The following WNK2 variants were observed in gnomAD, a reference collection of about 807,000 sequenced individuals.
The protein encoded by WNK2 is WNK lysine deficient protein kinase 2.
In WNK2, 67 loss-of-function variants were observed where a neutral mutation model predicts 192.1. The observed-to-expected ratio is 0.35, with a 90% confidence interval of 0.29 to 0.43. The LOEUF (loss-of-function observed/expected upper bound fraction) is 0.43. Among genes scored for constraint, WNK2 ranks in the 20% least tolerant of loss-of-function variants. The probability of loss-of-function intolerance (pLI) is 1.00; values close to 1 mark genes in which losing one functional copy is unlikely to be tolerated. For missense variants in WNK2, 2,698 were observed against 3,089.7 expected, an observed-to-expected ratio of 0.87 and a Z score of 3.01; for synonymous variants, 1,439 against 1,393.9, an observed-to-expected ratio of 1.03 and a Z score of -0.72.
chr9:93,184,341 GC>G lies in WNK2; in HGVS notation c.-44del, dbSNP rs1254101357. On this transcript the variant is annotated 5_prime_UTR_variant, in exon 1 of 30. Coordinates refer to ENST00000427277, the MANE Select transcript of WNK2 (RefSeq NM_006648.4). ...AAGCGTGATCTCTCCCGCCTCGCAC[GC>G]CCTGGCCGCCGGGCCGCGGGCATGG... is the stretch of plus-strand genomic sequence containing the variant. Among the ~76,000 whole-genome samples the G allele has an allele frequency of 6.6e-6, 1 of 151,256 alleles. No homozygotes were observed. The highest frequency in any genetic ancestry group is 1.5e-5 in the Non-Finnish European group (1 of 67,726).
At chr9:93,190,940 A>G (rs1200374526) in intron 2 of WNK2, among the ~76,000 whole-genome samples, 3 of 152,126 alleles carry the variant, frequency 2.0e-5, no homozygotes, top group African/African-American at 7.2e-5. Flanking sequence ...CAGTCTATAG[A>G]CCATCTTACA....
intron 19 of WNK2, among the ~76,000 whole-genome samples, chr9:93,272,382 C>T (rs1350870488): frequency 1.3e-5 from 2 of 152,102 alleles, no homozygotes; most frequent in Non-Finnish European, 2.9e-5. Context: ...CCTAGAGCAA[C>T]CACTGAAAGA....
chr9:93,188,745 C>T (rs1829798650), intron 2 of WNK2, among the ~76,000 whole-genome samples: 1 of 152,164 alleles, frequency 6.6e-6, no homozygotes, highest in South Asian at 2.1e-4. Flanking sequence ...GAGCGTCTGC[C>T]ACCTGCCATA....
intron 26 of WNK2, among the ~76,000 whole-genome samples, chr9:93,301,890 A>G (rs1022733275): frequency 6.6e-6 from 1 of 152,170 alleles, no homozygotes; most frequent in Admixed American, 6.5e-5. Flanking sequence ...TTTTTGGGCC[A>G]TAATGTCTCC....
intron 25 of WNK2, among the ~76,000 whole-genome samples, chr9:93,299,583 G>T (rs1158548746): frequency 6.6e-6 from 1 of 152,166 alleles, no homozygotes; most frequent in Non-Finnish European, 1.5e-5. Context: ...CAGTTCCCAG[G>T]CACTGGCTGC....
In WNK2 at chr9:93,253,028, C is replaced by A. The variant is rs1032830176; in HGVS notation, c.1980C>A (p.Pro660=). 1 of 1,543,302 alleles carries A rather than the reference C, an allele frequency of 6.5e-7. No individual in the cohort carries two copies. Among genetic ancestry groups the A allele is most frequent in the Non-Finnish European group, 8.7e-7 (1 of 1,146,352 alleles). ...CVCSPPVSEG[P]VLPQSLPSLG... The stretch of plus-strand genomic sequence containing the variant: ...GCAGCCCCCCTGTGAGCGAGGGGCC[C>A]GTCCTGCCGCAGAGCCTGCCCTCGC... Residue 660 remains proline, a synonymous_variant, in exon 9 of 30, where the codon CCC becomes CCA. Coordinates refer to ENST00000427277, the MANE Select transcript of WNK2 (RefSeq NM_006648.4).
intron 2 of WNK2, among the ~76,000 whole-genome samples, chr9:93,215,230 T>C (rs1427358162): frequency 1.3e-5 from 2 of 152,114 alleles, no homozygotes; most frequent in African/African-American, 4.8e-5. Flanking sequence ...CAAGCAATTC[T>C]CCCTGACTGT....
At chr9:93,255,329 C>T (rs145569327) in intron 9 of WNK2, among the ~76,000 whole-genome samples, 16 of 152,254 alleles carry the variant, frequency 1.1e-4, no homozygotes, top group African/African-American at 3.4e-4. Context: ...GTCTGGAGCA[C>T]GAGGCCACTT....
intron 14 of WNK2, among the ~76,000 whole-genome samples, chr9:93,262,930 C>T (rs1844536954): frequency 6.6e-6 from 1 of 152,212 alleles, no homozygotes; most frequent in Admixed American, 6.5e-5. Context: ...GCCAGAGGCC[C>T]CTGGCTGGGC....
intron 28 of WNK2, 37 bp from the exon 29 acceptor site, chr9:93,317,483 A>G: frequency 6.2e-7 from 1 of 1,606,666 alleles, no homozygotes; most frequent in South Asian, 1.1e-5. Context: ...GATTGCAGCC[A>G]CGTGTACCTT....
At chr9:93,208,270 C>A (rs1031991110) in intron 2 of WNK2, among the ~76,000 whole-genome samples, 1 of 152,184 alleles carries the variant, frequency 6.6e-6, no homozygotes, top group African/African-American at 2.4e-5. Context: ...ATGTTATCTG[C>A]CGCCCTCTCA....
At chr9:93,186,699 C>T (rs367746342) in intron 2 of WNK2, among the ~76,000 whole-genome samples, 24 of 152,326 alleles carry the variant, frequency 1.6e-4, no homozygotes, top group Admixed American at 2.0e-4. Flanking sequence ...CCTCCGGCCC[C>T]GACAGGGTGG....
At chr9:93,206,956 T>G (rs912249123) in intron 2 of WNK2, among the ~76,000 whole-genome samples, 4 of 152,176 alleles carry the variant, frequency 2.6e-5, no homozygotes, top group African/African-American at 9.7e-5. Context: ...GAGGACTCCC[T>G]GGCCCTGTCT....
At chr9:93,249,588 C>T (rs1028228486) in intron 8 of WNK2, among the ~76,000 whole-genome samples, 1 of 152,056 alleles carries the variant, frequency 6.6e-6, no homozygotes, top group African/African-American at 2.4e-5. Flanking sequence ...ATTCTCCTGC[C>T]TCAGCCCCTT....
intron 7 of WNK2, among the ~76,000 whole-genome samples, chr9:93,246,101 A>G (rs1841634343): frequency 6.6e-6 from 1 of 152,106 alleles, no homozygotes; most frequent in Admixed American, 6.5e-5. Flanking sequence ...CCACCCCCAT[A>G]TGCAAAATGC....
At chr9:93,236,925 G>A (rs553558155) in intron 5 of WNK2, among the ~76,000 whole-genome samples, 6 of 152,364 alleles carry the variant, frequency 3.9e-5, no homozygotes, top group Non-Finnish European at 7.3e-5. Context: ...TGGGAGGCTC[G>A]GTGAAGCTCT....
intron 19 of WNK2, among the ~76,000 whole-genome samples, chr9:93,280,331 C>T (rs192851807): frequency 2.6e-5 from 4 of 152,230 alleles, no homozygotes; most frequent in Non-Finnish European, 4.4e-5. Context: ...GAGACACCAC[C>T]GTACACTATT....
intron 5 of WNK2, among the ~76,000 whole-genome samples, chr9:93,235,585 G>T (rs906485022): frequency 1.3e-5 from 2 of 152,222 alleles, no homozygotes; most frequent in Non-Finnish European, 2.9e-5. Flanking sequence ...ACTGGGTGGA[G>T]GGAATGCAAA....
intron 2 of WNK2, among the ~76,000 whole-genome samples, chr9:93,210,678 C>T (rs1355645560): frequency 2.6e-5 from 4 of 152,172 alleles, no homozygotes; most frequent in Non-Finnish European, 5.9e-5. Context: ...GGGCTCTTTG[C>T]CCTTCTAGGC....
Sources: allele counts gnomAD v4.1 joint callset (sites outside exome capture counted in the v4.1 genomes callset), GRCh38; gene constraint gnomAD v4.1.1; transcripts MANE v1.5; gene names NCBI Gene and HGNC (gene_info 2026-07-23, HGNC 2026-07-21).